The following TENM2 variants were observed in gnomAD, a reference collection of about 807,000 sequenced individuals.
TENM2 encodes teneurin-2.
A neutral mutation model predicts 245.2 loss-of-function variants in TENM2; 52 were observed. That is an observed-to-expected ratio of 0.21 (90% CI 0.17 to 0.27). The LOEUF (loss-of-function observed/expected upper bound fraction) is 0.27. TENM2 is among the 10% of genes least tolerant of loss of function. The pLI is 1.00. For synonymous variants in TENM2, 1,363 were observed against 1,438.9 expected (o/e 0.95, Z 1.19); for missense variants, 3,046 against 3,666.8 (o/e 0.83, Z 4.37).
the TENM2 span, among the ~76,000 whole-genome samples, chr5:167,004,721 G>C: frequency 6.6e-6 from 1 of 152,168 alleles, no homozygotes; most frequent in Admixed American, 6.5e-5. Flanking sequence ...ATTTTTAATA[G>C]TTTTCCAGCT....
At chr5:167,573,500 G>GTCTCTC (rs772318555) in intron 2 of TENM2, among the ~76,000 whole-genome samples, 1 of 133,814 alleles carries the variant, frequency 7.5e-6, no homozygotes, top group East Asian at 2.3e-4. Context: ...GATGTTCTCT[G>GTCTCTC]TCTCTCTCTC....
At chr5:167,300,183 T>C (rs1314554289) in intron 1 of TENM2, among the ~76,000 whole-genome samples, 1 of 152,120 alleles carries the variant, frequency 6.6e-6, no homozygotes, top group Non-Finnish European at 1.5e-5. Flanking sequence ...TAGTCGGACA[T>C]GATCAGCAGG....
At chr5:167,597,042 AGT>A (rs1454604446) in intron 2 of TENM2, among the ~76,000 whole-genome samples, 1 of 152,094 alleles carries the variant, frequency 6.6e-6, no homozygotes, top group Non-Finnish European at 1.5e-5. Flanking sequence ...TTCAGTTTTC[AGT>A]CCTCACACAC....
At chr5:168,228,934 ATGTAT>A (rs1764544313) in intron 25 of TENM2, among the ~76,000 whole-genome samples, 1 of 147,720 alleles carries the variant, frequency 6.8e-6, no homozygotes, top group East Asian at 1.9e-4. Flanking sequence ...TTATATTATA[ATGTAT>A]AATTATATAC....
intron 13 of TENM2, among the ~76,000 whole-genome samples, chr5:168,176,487 T>A (rs1196599904): frequency 2.0e-5 from 3 of 152,222 alleles, no homozygotes; most frequent in African/African-American, 7.2e-5. Context: ...TTTCCTCATT[T>A]CGTTTAGGTT....
At chr5:167,437,419 G>C (rs1764627410) in intron 2 of TENM2, among the ~76,000 whole-genome samples, 1 of 152,142 alleles carries the variant, frequency 6.6e-6, no homozygotes, top group African/African-American at 2.4e-5. Flanking sequence ...TAACTAACTT[G>C]CTTTTGATTT....
In TENM2 at chr5:167,557,654, A is replaced by G. The variant is rs1773338897; in HGVS notation, c.502+182181A>G. Reference sequence around the variant, plus strand: ...AGACTGTACGTGGCTTATTTCACTTACCTCAGTCATACCCAGTAGGGGGGT... The same window carrying G: ...AGACTGTACGTGGCTTATTTCACTTGCCTCAGTCATACCCAGTAGGGGGGT... On this transcript the variant is annotated intron_variant, in intron 2 of 28. Coordinates refer to ENST00000518659, the Ensembl canonical transcript of TENM2. Among the ~76,000 whole-genome samples, 4 of 152,268 alleles carry G rather than the reference A, an allele frequency of 2.6e-5. No homozygotes were observed. In the South Asian group the frequency reaches 8.3e-4, roughly 32 times the overall value.
rs557475770 is a variant in TENM2, at chr5:167,698,540, A to G, written c.503-177446A>G. On this transcript the variant is annotated intron_variant, in intron 2 of 28. Transcript: ENST00000518659. ...CCAGGTCCTGGTCTCCTGGGTGGCC[A>G]CTGCACAGATATACTGTACTGCAGT... Among the ~76,000 whole-genome samples, 175 of 152,242 alleles carry G rather than the reference A, an allele frequency of 1.1e-3. 1 individual carries two copies. The highest frequency in any genetic ancestry group is 3.5e-3 in the African/African-American group (146 of 41,546).
At chr5:167,410,749 G>C (rs1044436749) in intron 2 of TENM2, among the ~76,000 whole-genome samples, 1 of 152,046 alleles carries the variant, frequency 6.6e-6, no homozygotes, top group Admixed American at 6.6e-5. Flanking sequence ...GGTAGAGATT[G>C]ACCATGGGCA....
chr5:168,250,073 T>G lies in TENM2; in HGVS notation c.7432+1702T>G, dbSNP rs114499198. Among the ~76,000 whole-genome samples the G allele has an allele frequency of 9.1e-3, 1,389 of 152,018 alleles. 22 individuals carry two copies. Among genetic ancestry groups the G allele is most frequent in the African/African-American group, 0.032 (1,312 of 41,454 alleles). ...ATGGTTGGGTGGATGGCTGGATGGA[T>G]GGCTGACTGGATGGCTGGCTGGCTG... On this transcript the variant is annotated intron_variant, in intron 27 of 28. Transcript: ENST00000518659.
intron 1 of TENM2, among the ~76,000 whole-genome samples, chr5:167,323,388 T>C (rs1354997943): frequency 6.6e-6 from 1 of 152,296 alleles, no homozygotes; most frequent in African/African-American, 2.4e-5. Flanking sequence ...TACAGATATG[T>C]GTGTATATGT....
At chr5:167,994,476 G>A (rs928248330) in intron 5 of TENM2, among the ~76,000 whole-genome samples, 6 of 152,314 alleles carry the variant, frequency 3.9e-5, no homozygotes, top group African/African-American at 1.4e-4. Flanking sequence ...CTTGCCTGAT[G>A]GCAAAGGGGC....
intron 2 of TENM2, among the ~76,000 whole-genome samples, chr5:167,510,197 C>T (rs189045579): frequency 1.4e-4 from 22 of 152,244 alleles, no homozygotes; most frequent in Admixed American, 1.2e-3. Flanking sequence ...TGGAATGTGG[C>T]TGTATTCATG....
chr5:167,217,758 G>GAT, the TENM2 span, among the ~76,000 whole-genome samples: 568 of 148,374 alleles, frequency 3.8e-3, 4 homozygotes, highest in East Asian at 8.8e-3. Context: ...ATGTGAGACA[G>GAT]ATATATATAT....
At chr5:167,523,612 A>G (rs1177090762) in intron 2 of TENM2, among the ~76,000 whole-genome samples, 1 of 152,160 alleles carries the variant, frequency 6.6e-6, no homozygotes, top group African/African-American at 2.4e-5. Flanking sequence ...AAATAAAACT[A>G]TTCTATGCGC....
the TENM2 span, among the ~76,000 whole-genome samples, chr5:167,174,863 T>C: frequency 6.6e-6 from 1 of 151,972 alleles, no homozygotes; most frequent in South Asian, 2.1e-4. Flanking sequence ...ACTCTGTTTC[T>C]ATATATTCAA....
chr5:167,455,993 T>A (rs535681089), intron 2 of TENM2, among the ~76,000 whole-genome samples: 2 of 152,200 alleles, frequency 1.3e-5, no homozygotes, highest in Admixed American at 6.5e-5. Context: ...GAATTTTGAA[T>A]GAATTTTGAG....
At chr5:167,071,144 C>T in the TENM2 span, among the ~76,000 whole-genome samples, 1 of 152,090 alleles carries the variant, frequency 6.6e-6, no homozygotes, top group Non-Finnish European at 1.5e-5. Context: ...TAAATTTGTA[C>T]TATTCCTAAT....
At chr5:167,884,391 C>A (rs1183367730) in intron 3 of TENM2, among the ~76,000 whole-genome samples, 4 of 152,304 alleles carry the variant, frequency 2.6e-5, no homozygotes, top group Non-Finnish European at 4.4e-5. Flanking sequence ...AAACTCTATA[C>A]CCATTAAACA....
Sources: allele counts gnomAD v4.1 joint callset (sites outside exome capture counted in the v4.1 genomes callset), GRCh38; gene constraint gnomAD v4.1.1; transcripts MANE v1.5; gene names NCBI Gene and HGNC (gene_info 2026-07-23, HGNC 2026-07-21).